The following TFG variants were observed in gnomAD, a reference collection of about 807,000 sequenced individuals.
TFG encodes the protein protein TFG.
Under a neutral mutation model 51.4 loss-of-function variants are expected in TFG, and 22 were observed. The observed-to-expected ratio is 0.43, with a 90% CI of 0.31 to 0.61. The LOEUF (loss-of-function observed/expected upper bound fraction) is 0.61. Ranked by LOEUF, TFG falls within the 20% of genes least tolerant of loss-of-function variation. The pLI, the probability that TFG is intolerant of heterozygous loss-of-function variation, is 0.12. For synonymous variants in TFG, 187 were observed against 165.6 expected (o/e 1.13, Z -0.99); for missense variants, 419 against 487.7 (o/e 0.86, Z 1.33).
chr3:100,739,597 A>C (rs1051060392), intron 6 of TFG, among the ~76,000 whole-genome samples: 8 of 152,316 alleles, frequency 5.3e-5, no homozygotes, highest in Admixed American at 2.0e-4. Flanking sequence ...TGCCAATATA[A>C]TGAAAAGCTG....
At chr3:100,743,309 C>T (rs1156797104) in intron 6 of TFG, 1 of 152,014 alleles carries the variant, frequency 6.6e-6, no homozygotes, top group Non-Finnish European at 1.5e-5. Flanking sequence ...ATTAAGAGTT[C>T]ATTGTTATGT....
intron 1 of TFG, chr3:100,710,011 C>G (rs530440281): frequency 1.6e-4 from 25 of 152,084 alleles, no homozygotes; most frequent in African/African-American, 5.6e-4. Context: ...CTGGGGGGCT[C>G]CGGGAGGGGA....
At chr3:100,733,749 G>A (rs1218857099) in intron 5 of TFG, among the ~76,000 whole-genome samples, 1 of 152,118 alleles carries the variant, frequency 6.6e-6, no homozygotes, top group Admixed American at 6.6e-5. Context: ...AGGATTTTCT[G>A]TTATTGTTGA....
At chr3:100,737,564 A>C (rs975957410) in intron 6 of TFG, among the ~76,000 whole-genome samples, 1 of 152,240 alleles carries the variant, frequency 6.6e-6, no homozygotes, top group Non-Finnish European at 1.5e-5. Context: ...TTAAAGCCGC[A>C]TTCCACTTCA....
At chr3:100,719,947 A>C in intron 2 of TFG, 28 bp from the exon 3 acceptor site, 1 of 1,422,774 alleles carries the variant, frequency 7.0e-7, no homozygotes, top group Non-Finnish European at 9.6e-7. Flanking sequence ...AAAATTAAAA[A>C]ACAACCTTTT....
intron 1 of TFG, among the ~76,000 whole-genome samples, chr3:100,712,340 A>G (rs889066902): frequency 1.3e-5 from 2 of 152,240 alleles, no homozygotes; most frequent in Non-Finnish European, 2.9e-5. Context: ...CCCCGAAAGA[A>G]TAAAGAATAA....
chr3:100,709,492 C>T (rs865889987), upstream of TFG: 2 of 152,564 alleles, frequency 1.3e-5, no homozygotes, highest in Middle Eastern at 3.4e-3. Context: ...GCTCCCGCCT[C>T]TGTTCTTCCC....
At chr3:100,739,942 C>G (rs2095116769) in intron 6 of TFG, among the ~76,000 whole-genome samples, 1 of 152,074 alleles carries the variant, frequency 6.6e-6, no homozygotes, top group Non-Finnish European at 1.5e-5. Flanking sequence ...CACCTGCAAC[C>G]TCAACAGTGA....
intron 3 of TFG, among the ~76,000 whole-genome samples, chr3:100,722,105 C>T (rs534744263): frequency 4.3e-4 from 65 of 152,152 alleles, no homozygotes; most frequent in South Asian, 3.1e-3. Flanking sequence ...GAGTCGAGAT[C>T]GCGCCACTGC....
At chr3:100,711,871 T>G (rs2095032328) in intron 1 of TFG, among the ~76,000 whole-genome samples, 1 of 152,172 alleles carries the variant, frequency 6.6e-6, no homozygotes, top group Non-Finnish European at 1.5e-5. Flanking sequence ...TAGTAGGTAT[T>G]TAATAAGTAG....
intron 3 of TFG, among the ~76,000 whole-genome samples, chr3:100,724,155 G>A (rs2095068527): frequency 6.6e-6 from 1 of 152,078 alleles, no homozygotes; most frequent in South Asian, 2.1e-4. Context: ...TTAGTAAACT[G>A]GATTGGAAAT....
At chr3:100,740,291 C>T (rs906770349) in intron 6 of TFG, among the ~76,000 whole-genome samples, 3 of 152,150 alleles carry the variant, frequency 2.0e-5, no homozygotes, top group African/African-American at 7.2e-5. Flanking sequence ...CAGCATCTCT[C>T]ATGAGGTTGC....
chr3:100,726,310 T>G (rs1325282269), intron 3 of TFG, among the ~76,000 whole-genome samples: 1 of 152,190 alleles, frequency 6.6e-6, no homozygotes, highest in African/African-American at 2.4e-5. Flanking sequence ...GCCTGTTTTG[T>G]GATAGCTGCA....
rs2149087569 is a variant in TFG at position 100,736,625 on chromosome 3, T to C, written c.630T>C (p.Ile210=). 1.2e-6 allele frequency: 2 copies of C among 1,614,026 alleles called. No homozygotes were observed. The highest frequency in any genetic ancestry group is 1.7e-6 in the Non-Finnish European group (2 of 1,179,966). Residue 210 remains isoleucine (I), a synonymous_variant, in exon 6 of 8, where the codon ATT becomes ATC. Coordinates refer to ENST00000240851, the MANE Select transcript of TFG (RefSeq NM_006070.6). ...ATCGTTCAGGAACACCCGACAGCAT[T>C]GCTTCCTCCTCCTCAGCAGCTCACC... The part of the protein sequence containing the change: ...AEDRSGTPDS[I]ASSSSAAHPP...
intron 3 of TFG, among the ~76,000 whole-genome samples, chr3:100,727,157 G>A (rs553661407): frequency 3.3e-5 from 5 of 152,096 alleles, no homozygotes; most frequent in Non-Finnish European, 7.3e-5. Context: ...TATATTCAAC[G>A]GGAGAACACC....
intron 6 of TFG, chr3:100,742,815 A>G (rs2095124824): frequency 6.6e-6 from 1 of 152,056 alleles, no homozygotes; most frequent in Non-Finnish European, 1.5e-5. Context: ...TTGTGTAGAG[A>G]TATAATAAAC....
Position 100,709,645 on chromosome 3 carries a change from C to A in TFG, c.-120C>A, listed in dbSNP as rs926718282. On this transcript the variant is annotated 5_prime_UTR_variant, in exon 1 of 8. Transcript: ENST00000240851. The stretch of plus-strand genomic sequence containing the variant: ...CCGTGACCACCGCCTCCCCGCGACG[C>A]CCCAGTCCAGTGGCCTCGCGTCCGC... 4 of 151,378 alleles carry A rather than the reference C, an allele frequency of 2.6e-5. No homozygotes were observed. The highest frequency in any genetic ancestry group is 5.9e-5 in the Non-Finnish European group (4 of 67,788). 9.4% of individuals were successfully genotyped at this position (151,378 alleles called of 1,614,324 possible).
chr3:100,715,219 T>G (rs955460728), intron 2 of TFG, among the ~76,000 whole-genome samples: 5 of 152,210 alleles, frequency 3.3e-5, no homozygotes, highest in Non-Finnish European at 7.3e-5. Context: ...GGTTTAATAG[T>G]TGAGAAATCT....
intron 7 of TFG, 140 bp downstream of exon 7, chr3:100,745,071 A>C: frequency 2.3e-6 from 1 of 429,418 alleles, no homozygotes; most frequent in Non-Finnish European, 4.2e-6. Context: ...CATTTGTTTT[A>C]TTTATTTTTA....
Sources: allele counts gnomAD v4.1 joint callset (sites outside exome capture counted in the v4.1 genomes callset), GRCh38; gene constraint gnomAD v4.1.1; transcripts MANE v1.5; gene names NCBI Gene and HGNC (gene_info 2026-07-23, HGNC 2026-07-21).